Variants in AFDN observed in about 807,000 individuals in gnomAD.
AFDN encodes afadin, adherens junction formation factor.
In AFDN, 68 loss-of-function variants were observed where a neutral mutation model predicts 216.6. The ratio of observed to expected loss-of-function variants is 0.31; its 90% CI spans 0.26 to 0.38. The LOEUF (loss-of-function observed/expected upper bound fraction) is 0.38, where lower values mean the gene tolerates loss of function less well. Ranked by LOEUF, AFDN falls within the 10% of genes least tolerant of loss-of-function variation. The pLI is 1.00. For synonymous variants in AFDN, 868 were observed against 853.7 expected (o/e 1.02, Z -0.29); for missense variants, 2,136 against 2,342.0 (o/e 0.91, Z 1.82).
At chr6:167,861,098 C>G (rs997240196) in intron 1 of AFDN, among the ~76,000 whole-genome samples, 2 of 151,984 alleles carry the variant, frequency 1.3e-5, no homozygotes, top group Non-Finnish European at 2.9e-5. Flanking sequence ...ACCCTCTGCA[C>G]CCCTCCTCTC....
intron 33 of AFDN, 100 bp from the exon 34 acceptor site, chr6:167,969,682 A>C: frequency 8.9e-7 from 1 of 1,120,294 alleles, no homozygotes; most frequent in Non-Finnish European, 1.3e-6. Flanking sequence ...TTAACAAAGA[A>C]TGAGTGAAAA....
At chr6:167,880,642 CAT>C in intron 6 of AFDN, 125 bp downstream of exon 6, 1 of 928,594 alleles carries the variant, frequency 1.1e-6, no homozygotes, top group Non-Finnish European at 1.7e-6. Context: ...ATTTACAAAT[CAT>C]GTGCTAAATA....
At position 167,828,520 on chromosome 6, in the gene AFDN, A is replaced by C. The variant is rs148177362; in HGVS notation, c.105+1283A>C. 1.2e-3 allele frequency among the ~76,000 whole-genome samples: 182 copies of C among 152,326 alleles called. 2 individuals carry two copies. Among genetic ancestry groups the C allele is most frequent in the African/African-American group, 4.4e-3 (181 of 41,564 alleles). ...GGTTGTCAATTTGAGCATAGATGTT[A>C]TGTTAAGTTACTCCTGATTCATTCA... On this transcript the variant is annotated intron_variant, in intron 1 of 33. Transcript: ENST00000683244.
At chr6:167,844,849 CTTTTTT>C (rs67495555) in intron 1 of AFDN, among the ~76,000 whole-genome samples, 1 of 127,714 alleles carries the variant, frequency 7.8e-6, no homozygotes, top group Admixed American at 8.4e-5. Flanking sequence ...CTTTTCTTTT[CTTTTTT>C]TTTTTTTTTT....
At chr6:167,895,453 A>G (rs1220259028) in intron 9 of AFDN, among the ~76,000 whole-genome samples, 1 of 152,224 alleles carries the variant, frequency 6.6e-6, no homozygotes, top group East Asian at 1.9e-4. Context: ...ATGTTTCAAC[A>G]CGATGTGAAG....
At position 167,922,903 on chromosome 6, in the gene AFDN, A is replaced by G; in HGVS notation, c.2956A>G (p.Ile986Val). Residue 986 changes from isoleucine to valine, a missense_variant, in exon 22 of 34, where the codon ATA becomes GTA. Ile to Val is a conservative substitution (Grantham distance 29, BLOSUM62 3). Coordinates refer to ENST00000683244, the MANE Select transcript of AFDN (RefSeq NM_001386888.1). The part of the protein sequence containing the change: ...PHTRSPGTWT[I>V]YFEGADYESH... ...CACACGTTCACCAGGTACTTGGACAATATATTTTGAAGGTGCAGATTATGA... is the reference window on the plus strand; with the variant it reads ...CACACGTTCACCAGGTACTTGGACAGTATATTTTGAAGGTGCAGATTATGA... 6.2e-7 allele frequency: 1 copy of G among 1,613,430 alleles called. No individual in the cohort carries two copies. Among genetic ancestry groups the G allele is most frequent in the Non-Finnish European group, 8.5e-7 (1 of 1,179,770 alleles).
chr6:167,853,968 T>A (rs1449547275), intron 1 of AFDN, among the ~76,000 whole-genome samples: 1 of 152,068 alleles, frequency 6.6e-6, no homozygotes, highest in Non-Finnish European at 1.5e-5. Flanking sequence ...TTTTTTTTAG[T>A]GTATCTTTGG....
Position 167,954,193 on chromosome 6 carries a change from C to T in AFDN, c.4833+2006C>T, listed in dbSNP as rs985144248. Among the ~76,000 whole-genome samples, 4 of 152,136 alleles carry T rather than the reference C, an allele frequency of 2.6e-5. No homozygotes were observed. The East Asian group carries it at 7.7e-4, about 29-fold the overall frequency. On this transcript the variant is annotated intron_variant, in intron 30 of 33. Transcript: ENST00000683244. The stretch of plus-strand genomic sequence containing the variant: ...CTGTTACAATTAGTATCTTAGTCTC[C>T]AAATAAGAAAGCTAAGGGAAATTTT...
intron 24 of AFDN, 97 bp downstream of exon 24, chr6:167,943,291 T>C (rs1180717752): frequency 4.2e-6 from 6 of 1,430,094 alleles, no homozygotes; most frequent in Middle Eastern, 1.7e-4. Flanking sequence ...TGTAGCACTA[T>C]AGTGCTTGTT....
intron 30 of AFDN, among the ~76,000 whole-genome samples, chr6:167,957,566 T>C (rs1236053686): frequency 1.3e-5 from 2 of 152,230 alleles, no homozygotes; most frequent in African/African-American, 4.8e-5. Context: ...AGGGATCTCC[T>C]TCAGCACTAG....
chr6:167,915,042 G>T, intron 18 of AFDN, 126 bp from the exon 19 acceptor site: 1 of 964,672 alleles, frequency 1.0e-6, no homozygotes, highest in Non-Finnish European at 1.5e-6. Flanking sequence ...GAATGAAGTT[G>T]ATATTTTTAA....
At chr6:167,889,650 T>C (rs922877849) in intron 7 of AFDN, among the ~76,000 whole-genome samples, 5 of 152,218 alleles carry the variant, frequency 3.3e-5, no homozygotes, top group Non-Finnish European at 7.3e-5. Flanking sequence ...GGCTTTTTGC[T>C]GTAGAGCTTT....
chr6:167,948,424 T>C lies in AFDN; in HGVS notation c.3777T>C (p.Tyr1259=). 6.2e-7 allele frequency: 1 copy of C among 1,614,190 alleles called. No homozygotes were observed. The highest frequency in any genetic ancestry group is 8.5e-7 in the Non-Finnish European group (1 of 1,180,040). The part of the protein sequence containing the change: ...MAPPQNQWPN[Y]EEKPHMHTDS... ...CTCCTCAGAACCAGTGGCCAAATTA[T>C]GAGGAAAAGCCACATATGCACACAG... The change falls in exon 29 of 34, where the codon TAT becomes TAC. Residue 1259 remains tyrosine, a synonymous_variant. Transcript: ENST00000683244.
intron 1 of AFDN, among the ~76,000 whole-genome samples, chr6:167,843,663 C>T (rs1240708843): frequency 6.6e-6 from 1 of 152,086 alleles, no homozygotes; most frequent in Non-Finnish European, 1.5e-5. Context: ...AAAGTCTGGC[C>T]CCTTGCTGGG....
At chr6:167,920,615 G>A (rs2300802) in intron 21 of AFDN, among the ~76,000 whole-genome samples, 18,524 of 152,068 alleles carry the variant, frequency 0.12, 1,351 homozygotes, top group South Asian at 0.22. Flanking sequence ...TGCGGATGGC[G>A]CTCTCCTGCC....
chr6:167,840,962 A>C (rs1434858812), intron 1 of AFDN, among the ~76,000 whole-genome samples: 1 of 152,116 alleles, frequency 6.6e-6, no homozygotes, highest in Non-Finnish European at 1.5e-5. Context: ...GAGTCTGTGG[A>C]GTGAAGGGAG....
intron 19 of AFDN, among the ~76,000 whole-genome samples, chr6:167,916,150 GTTGGCATTCT>G: frequency 6.6e-6 from 1 of 152,164 alleles, no homozygotes; most frequent in Non-Finnish European, 1.5e-5. Flanking sequence ...TTTGCACGCA[GTTGGCATTCT>G]TTGGCCTGTA....
rs1209206718 is a variant in AFDN, at chr6:167,898,357, G to A, written c.1470G>A (p.Gln490=). 1 of 1,614,200 alleles carries A rather than the reference G, an allele frequency of 6.2e-7. No homozygotes were observed. The highest frequency in any genetic ancestry group is 1.1e-5 in the South Asian group (1 of 91,082). The change falls in exon 11 of 34, where the codon CAG becomes CAA. Residue 490 remains glutamine, a synonymous_variant. Transcript: ENST00000683244. ...TTMLQSGMKV[Q]FGASHVFKFV... ...TGCTGCAGAGTGGCATGAAAGTGCA[G>A]TTTGGGGCGTCCCATGTATTTAAGT... is the stretch of plus-strand genomic sequence containing the variant.
intron 1 of AFDN, among the ~76,000 whole-genome samples, chr6:167,845,514 C>T (rs1009690582): frequency 2.6e-5 from 4 of 152,074 alleles, no homozygotes; most frequent in Non-Finnish European, 4.4e-5. Context: ...TCTCCTGCCT[C>T]AGTCTCCCTA....
Sources: gnomAD v4.1 joint callset for allele counts (sites outside exome capture counted in the v4.1 genomes callset) on GRCh38, gnomAD v4.1.1 for gene constraint, MANE v1.5 for transcripts, NCBI Gene and HGNC (gene_info 2026-07-23, HGNC 2026-07-21) for gene names.